C8orf34: variants seen among roughly 807,000 people sequenced by gnomAD.
C8orf34 encodes the protein chromosome 8 open reading frame 34, also known as uncharacterized protein C8orf34.
Under a neutral mutation model 68.3 loss-of-function variants are expected in C8orf34, and 65 were observed. The observed-to-expected ratio is 0.95, with a 90% CI of 0.78 to 1.17. C8orf34 has a LOEUF of 1.17. C8orf34 is among the 50% of genes most tolerant of loss of function. The pLI, the probability that C8orf34 is intolerant of heterozygous loss-of-function variation, is 0.00. For missense variants in C8orf34, 664 were observed against 655.4 expected (o/e 1.01, Z -0.14); for synonymous variants, 244 against 241.2 (o/e 1.01, Z -0.11).
At chr8:68,446,185 G>A in intron 2 of C8orf34, 144 bp from the exon 3 acceptor site, 1 of 640,866 alleles carries the variant, frequency 1.6e-6, no homozygotes, top group East Asian at 2.7e-5. Context: ...AATTAAACAA[G>A]TAATACCTTT....
chr8:68,637,845 C>T (rs1818891302), intron 7 of C8orf34, among the ~76,000 whole-genome samples: 1 of 152,018 alleles, frequency 6.6e-6, no homozygotes, highest in Non-Finnish European at 1.5e-5. Context: ...CGAAATTTTC[C>T]AAGGGTTTTT....
chr8:68,689,045 A>G (rs1465758173), intron 8 of C8orf34, among the ~76,000 whole-genome samples: 1 of 152,112 alleles, frequency 6.6e-6, no homozygotes, highest in Non-Finnish European at 1.5e-5. Context: ...TAAATACACC[A>G]TGAAATACTA....
intron 8 of C8orf34, among the ~76,000 whole-genome samples, chr8:68,707,400 T>A (rs1482325410): frequency 6.6e-6 from 1 of 152,134 alleles, no homozygotes; most frequent in East Asian, 1.9e-4. Flanking sequence ...TCAGGAACAG[T>A]TATAATTTCT....
intron 8 of C8orf34, among the ~76,000 whole-genome samples, chr8:68,676,421 C>G (rs1820193169): frequency 1.3e-5 from 2 of 152,110 alleles, no homozygotes; most frequent in African/African-American, 4.8e-5. Context: ...GACCCCAATA[C>G]AATAATAACT....
At chr8:68,517,304 G>A (rs1814560889) in intron 5 of C8orf34, among the ~76,000 whole-genome samples, 1 of 152,208 alleles carries the variant, frequency 6.6e-6, no homozygotes, top group East Asian at 1.9e-4. Context: ...TCTACTATGT[G>A]TAAAAAGGCT....
intron 12 of C8orf34, among the ~76,000 whole-genome samples, chr8:68,794,285 C>A (rs748030410): frequency 6.6e-6 from 1 of 151,278 alleles, no homozygotes; most frequent in South Asian, 2.1e-4. Context: ...GATCCTCCCA[C>A]CTCAGCCTCC....
chr8:68,331,389 G>T (rs572174920), intron 1 of C8orf34, 50 bp downstream of exon 1: 3 of 1,509,846 alleles, frequency 2.0e-6, no homozygotes, highest in African/African-American at 2.8e-5. Flanking sequence ...GGGAAGGGGT[G>T]CAGTAATGAA....
At chr8:68,545,935 C>A (rs1354526312) in intron 7 of C8orf34, among the ~76,000 whole-genome samples, 1 of 151,784 alleles carries the variant, frequency 6.6e-6, no homozygotes, top group Admixed American at 6.6e-5. Flanking sequence ...TAAAACAGCA[C>A]AAAGAATGAT....
chr8:68,745,648 A>T (rs974449887), intron 10 of C8orf34, among the ~76,000 whole-genome samples: 1 of 152,172 alleles, frequency 6.6e-6, no homozygotes, highest in Non-Finnish European at 1.5e-5. Flanking sequence ...AGGCCATTAC[A>T]TAATGGTAAA....
At chr8:68,646,879 G>T (rs1201880528) in intron 8 of C8orf34, among the ~76,000 whole-genome samples, 1 of 152,126 alleles carries the variant, frequency 6.6e-6, no homozygotes, top group African/African-American at 2.4e-5. Flanking sequence ...ATGGACACCT[G>T]CAGTGGTTCC....
chr8:68,439,611 G>T lies in C8orf34; in HGVS notation c.440G>T (p.Gly147Val). Residue 147 changes from glycine to valine, a missense_variant, in exon 2 of 14, where the codon GGA becomes GTA. Transcript: ENST00000518698. ...NRGQLQRTLS[G>V]SAALWAESEK... ...GGACAACTTCAAAGAACTTTGTCTG[G>T]ATCTGCAGCTCTATGGGCAGAAAGT... 6.2e-7 allele frequency: 1 copy of T among 1,613,402 alleles called. No individual in the cohort carries two copies. Among genetic ancestry groups the T allele is most frequent in the Non-Finnish European group, 8.5e-7 (1 of 1,179,640 alleles).
chr8:68,354,440 C>A (rs1312934072), intron 1 of C8orf34, among the ~76,000 whole-genome samples: 1 of 152,082 alleles, frequency 6.6e-6, no homozygotes, highest in East Asian at 1.9e-4. Context: ...TTCCTGTGCT[C>A]AAGCAATTCT....
At chr8:68,789,226 A>G (rs942224977) in intron 12 of C8orf34, among the ~76,000 whole-genome samples, 1 of 152,246 alleles carries the variant, frequency 6.6e-6, no homozygotes, top group Non-Finnish European at 1.5e-5. Context: ...TATAAACACA[A>G]TATGGGAAAG....
chr8:68,482,090 T>G (rs1404758617), intron 4 of C8orf34, among the ~76,000 whole-genome samples: 1 of 152,194 alleles, frequency 6.6e-6, no homozygotes, highest in African/African-American at 2.4e-5. Context: ...GGGAGGTAAT[T>G]GAATCATGGG....
At chr8:68,470,654 G>T (rs973649195) in intron 4 of C8orf34, among the ~76,000 whole-genome samples, 1 of 152,072 alleles carries the variant, frequency 6.6e-6, no homozygotes, top group African/African-American at 2.4e-5. Flanking sequence ...TAATTCTGGA[G>T]GGTGGATGGT....
intron 7 of C8orf34, among the ~76,000 whole-genome samples, chr8:68,539,827 C>T (rs1369795828): frequency 6.6e-6 from 1 of 151,768 alleles, no homozygotes; most frequent in Non-Finnish European, 1.5e-5. Flanking sequence ...GCACTCCACC[C>T]TGGGCAACAG....
chr8:68,357,456 C>T (rs1417408307), intron 1 of C8orf34, among the ~76,000 whole-genome samples: 1 of 152,092 alleles, frequency 6.6e-6, no homozygotes, highest in Non-Finnish European at 1.5e-5. Flanking sequence ...CATTCCACTC[C>T]TATAATCTTC....
intron 9 of C8orf34, among the ~76,000 whole-genome samples, chr8:68,713,316 C>T (rs188067348): frequency 1.3e-3 from 197 of 151,486 alleles, no homozygotes; most frequent in Non-Finnish European, 2.3e-3. Context: ...AAAGAGATAA[C>T]GAAGATCAGA....
chr8:68,581,987 G>C (rs1230402348), intron 7 of C8orf34, among the ~76,000 whole-genome samples: 1 of 152,076 alleles, frequency 6.6e-6, no homozygotes, highest in Non-Finnish European at 1.5e-5. Context: ...TGTAGAGGAG[G>C]TAAAAACAAA....
Sources: allele counts gnomAD v4.1 joint callset (sites outside exome capture counted in the v4.1 genomes callset), GRCh38; gene constraint gnomAD v4.1.1; transcripts MANE v1.5; gene names NCBI Gene and HGNC (gene_info 2026-07-23, HGNC 2026-07-21).